The following TLK1 variants were observed in gnomAD, a reference collection of about 807,000 sequenced individuals.
The protein encoded by TLK1 is serine/threonine-protein kinase tousled-like 1.
Under a neutral mutation model 105.3 loss-of-function variants are expected in TLK1, and 24 were observed. That is an observed-to-expected ratio of 0.23 (90% confidence interval 0.17 to 0.32). The LOEUF (loss-of-function observed/expected upper bound fraction) is 0.32. Ranked by LOEUF, TLK1 falls within the 10% of genes least tolerant of loss-of-function variation. TLK1 has a pLI of 1.00. For missense variants in TLK1, 558 were observed against 910.5 expected (o/e 0.61, Z 4.98); for synonymous variants, 321 against 310.4 (o/e 1.03, Z -0.36).
At chr2:171,030,788 G>A (rs541133269) in intron 11 of TLK1, among the ~76,000 whole-genome samples, 7 of 152,002 alleles carry the variant, frequency 4.6e-5, no homozygotes, top group African/African-American at 1.7e-4. Flanking sequence ...GATTTTTACT[G>A]AATTACAAAA....
intron 1 of TLK1, among the ~76,000 whole-genome samples, chr2:171,202,194 GC>G (rs1180107098): frequency 1.3e-5 from 2 of 152,212 alleles, no homozygotes; most frequent in Non-Finnish European, 2.9e-5. Flanking sequence ...GGTGGCTCAC[GC>G]CTGTAATCCC....
At chr2:171,024,060 T>C (rs2195117) in intron 12 of TLK1, among the ~76,000 whole-genome samples, 89,322 of 151,972 alleles carry the variant, frequency 0.59, 28,280 homozygotes, top group East Asian at 0.95. Context: ...TTTTTAAAGA[T>C]AGGAAATTAA....
At chr2:170,997,189 C>A (rs1212944089) in intron 19 of TLK1, among the ~76,000 whole-genome samples, 1 of 152,174 alleles carries the variant, frequency 6.6e-6, no homozygotes, top group Non-Finnish European at 1.5e-5. Context: ...GGAGATCCCA[C>A]ACAAATCCCT....
intron 2 of TLK1, among the ~76,000 whole-genome samples, chr2:171,097,899 T>C (rs1689516374): frequency 6.7e-6 from 1 of 150,236 alleles, no homozygotes; most frequent in Non-Finnish European, 1.5e-5. Flanking sequence ...CATTTCAGCT[T>C]GGGTGACAGA....
intron 10 of TLK1, among the ~76,000 whole-genome samples, chr2:171,048,161 T>C (rs2676132): frequency 0.98 from 148,716 of 152,214 alleles, 72,762 homozygotes; most frequent in East Asian, 1. Flanking sequence ...GCTGGCCAGG[T>C]TGGTATCAAA....
intron 1 of TLK1, among the ~76,000 whole-genome samples, chr2:171,144,688 A>G (rs1227542402): frequency 6.6e-6 from 1 of 152,184 alleles, no homozygotes; most frequent in African/African-American, 2.4e-5. Flanking sequence ...GGAAATTTAC[A>G]GCTATAATGC....
At chr2:171,084,501 T>C (rs1230556424) in intron 2 of TLK1, among the ~76,000 whole-genome samples, 1 of 152,168 alleles carries the variant, frequency 6.6e-6, no homozygotes, top group East Asian at 1.9e-4. Context: ...TGCCACAGTT[T>C]TGAAGCGTGC....
intron 1 of TLK1, among the ~76,000 whole-genome samples, chr2:171,156,049 G>A (rs906856802): frequency 6.6e-6 from 1 of 152,004 alleles, no homozygotes; most frequent in Admixed American, 6.6e-5. Flanking sequence ...GACATTTTTG[G>A]AATACAATAT....
intron 11 of TLK1, among the ~76,000 whole-genome samples, chr2:171,043,720 T>G (rs1289650139): frequency 6.6e-6 from 1 of 152,186 alleles, no homozygotes; most frequent in East Asian, 1.9e-4. Context: ...AGGGTAGAGT[T>G]AAAGCTAACA....
chr2:171,049,807 G>A lies in TLK1; in HGVS notation c.980+7C>T. On this transcript the variant is annotated splice_region_variant and intron_variant, in intron 10 of 20. Transcript: ENST00000431350. ...CTAAAAACTTTTAAATGTTAAGAAT[G>A]ACTAACTTCACAAGATTCTGAAATG... 1 of 1,613,126 alleles carries A rather than the reference G, an allele frequency of 6.2e-7. No individual in the cohort carries two copies. Among genetic ancestry groups the A allele is most frequent in the East Asian group, 2.2e-5 (1 of 44,836 alleles).
intron 1 of TLK1, among the ~76,000 whole-genome samples, chr2:171,184,556 C>T (rs1692988172): frequency 6.6e-6 from 1 of 150,474 alleles, no homozygotes; most frequent in Non-Finnish European, 1.5e-5. Context: ...GCAGGAGAAT[C>T]ACTTGAGCCT....
At chr2:171,010,734 A>G (rs1684877496) in intron 14 of TLK1, among the ~76,000 whole-genome samples, 1 of 152,210 alleles carries the variant, frequency 6.6e-6, no homozygotes, top group South Asian at 2.1e-4. Context: ...AAATTTGGAT[A>G]AATTCAGGAC....
intron 10 of TLK1, among the ~76,000 whole-genome samples, chr2:171,046,958 A>G (rs1208064284): frequency 6.6e-6 from 1 of 152,232 alleles, no homozygotes; most frequent in Non-Finnish European, 1.5e-5. Flanking sequence ...AAAAATTGGT[A>G]ATGGGAAGTT....
At chr2:171,105,173 G>C (rs1046544887) in intron 2 of TLK1, among the ~76,000 whole-genome samples, 5 of 152,154 alleles carry the variant, frequency 3.3e-5, no homozygotes, top group Admixed American at 1.3e-4. Context: ...AAACTAAAAA[G>C]CTTCTTCACA....
At chr2:170,996,825 C>CTG in intron 19 of TLK1, 65 bp from the exon 20 acceptor site, 2 of 1,388,652 alleles carry the variant, frequency 1.4e-6, no homozygotes, top group Non-Finnish European at 2.0e-6. Flanking sequence ...GATATCATTT[C>CTG]TGTTTAAGCG....
At chr2:170,998,247 T>A (rs567102641) in intron 18 of TLK1, among the ~76,000 whole-genome samples, 4 of 152,328 alleles carry the variant, frequency 2.6e-5, no homozygotes, top group African/African-American at 9.6e-5. Context: ...CCCTAAAATA[T>A]ACACCTGATC....
chr2:171,082,370 A>G (rs1688794321), intron 3 of TLK1, among the ~76,000 whole-genome samples: 1 of 152,108 alleles, frequency 6.6e-6, no homozygotes, highest in Non-Finnish European at 1.5e-5. Flanking sequence ...GAAATTCTAA[A>G]AAGAGGGAAA....
intron 1 of TLK1, among the ~76,000 whole-genome samples, chr2:171,120,798 AAC>A (rs1237262486): frequency 2.6e-5 from 4 of 152,252 alleles, no homozygotes; most frequent in African/African-American, 4.8e-5. Context: ...CTGAGTATAT[AAC>A]CAATACAAGC....
intron 1 of TLK1, among the ~76,000 whole-genome samples, chr2:171,194,961 A>G (rs1382736891): frequency 2.0e-5 from 3 of 152,190 alleles, no homozygotes; most frequent in Non-Finnish European, 4.4e-5. Flanking sequence ...TGCTCTGCTC[A>G]TTCACTGCTC....
Sources: gnomAD v4.1 joint callset for allele counts (sites outside exome capture counted in the v4.1 genomes callset) on GRCh38, gnomAD v4.1.1 for gene constraint, MANE v1.5 for transcripts, NCBI Gene and HGNC (gene_info 2026-07-23, HGNC 2026-07-21) for gene names.